Variants in WDFY1 observed in about 807,000 individuals in gnomAD.
WDFY1 encodes the protein WD repeat and FYVE domain-containing protein 1.
In WDFY1, 32 loss-of-function variants were observed where a neutral mutation model predicts 56.4. That is an observed-to-expected ratio of 0.57 (90% CI 0.43 to 0.76). The LOEUF (loss-of-function observed/expected upper bound fraction) is 0.76. Ranked by LOEUF, WDFY1 falls within the 30% of genes least tolerant of loss-of-function variation. WDFY1 has a pLI of 0.00. For missense variants in WDFY1, 480 were observed against 545.7 expected, an observed-to-expected ratio of 0.88 and a Z score of 1.20; for synonymous variants, 192 against 197.3, an observed-to-expected ratio of 0.97 and a Z score of 0.23.
intron 7 of WDFY1, 112 bp from the exon 8 acceptor site, chr2:223,894,451 C>T (rs1460834624): frequency 2.0e-6 from 2 of 995,298 alleles, no homozygotes; most frequent in Non-Finnish European, 3.1e-6. Context: ...GGTATTTTAC[C>T]ACTGACTATT....
At chr2:223,894,176 A>G in intron 8 of WDFY1, 58 bp downstream of exon 8, 3 of 1,584,424 alleles carry the variant, frequency 1.9e-6, no homozygotes, top group South Asian at 2.2e-5. Flanking sequence ...AAAGCCAAGA[A>G]GAAGCCAGGT....
intron 1 of WDFY1, among the ~76,000 whole-genome samples, chr2:223,938,051 A>G (rs539346010): frequency 6.6e-6 from 1 of 152,332 alleles, no homozygotes; most frequent in South Asian, 2.1e-4. Flanking sequence ...TTAAAAAAGG[A>G]AAATGCTAAA....
chr2:223,916,836 C>T (rs1200768751), intron 2 of WDFY1, among the ~76,000 whole-genome samples: 9 of 138,566 alleles, frequency 6.5e-5, no homozygotes, highest in African/African-American at 8.1e-5. Flanking sequence ...TTTTTTGATA[C>T]GGAGTTTCGC....
rs1323406970 is a variant in WDFY1, at chr2:223,894,234, C to T, written c.831G>A (p.Glu277=). ...AVWNMDVSRE[E]APQWLESDSC... is the part of the protein sequence containing the mutation. ...GCCTGGACTTGCCCTTGTCTCTTAC[C>T]TCTTCTCTGCTAACATCCATGTTCC... The change falls in exon 8 of 12, where the codon GAG becomes GAA. Residue 277 remains glutamate, a splice_region_variant and synonymous_variant. Transcript: ENST00000233055. The T allele has an allele frequency of 3.1e-6, 5 of 1,613,998 alleles. No individual in the cohort carries two copies. Among genetic ancestry groups the T allele is most frequent in the Non-Finnish European group, 1.7e-6 (2 of 1,179,966 alleles).
Position 223,884,713 on chromosome 2 carries a change from AT to A in WDFY1, c.867del (p.Lys289AsnfsTer10). On this transcript the variant is annotated frameshift_variant, in exon 9 of 12. Transcript: ENST00000233055. LOFTEE classifies it high-confidence loss of function. ...ATGTTCCAGAAAAATGGCTGCTCAC[AT>A]TTCTGACAAGAATCACTTTCCAACC... is the stretch of plus-strand genomic sequence containing the variant. ...PQWLESDSCQ[K>X]CEQPFFWNIK... The A allele has an allele frequency of 6.2e-7, 1 of 1,614,132 alleles. No individual in the cohort carries two copies.
At chr2:223,930,238 T>C (rs1694052537) in intron 1 of WDFY1, among the ~76,000 whole-genome samples, 1 of 152,214 alleles carries the variant, frequency 6.6e-6, no homozygotes, top group Non-Finnish European at 1.5e-5. Flanking sequence ...TAAAAAACAA[T>C]GTGCTCAATT....
intron 9 of WDFY1, 102 bp downstream of exon 9, chr2:223,884,546 G>A: frequency 9.6e-7 from 1 of 1,043,282 alleles, no homozygotes; most frequent in South Asian, 1.3e-5. Flanking sequence ...GGAATTAATA[G>A]CATTTGCAAA....
chr2:223,892,446 G>T (rs111719467), intron 8 of WDFY1, among the ~76,000 whole-genome samples: 1 of 151,992 alleles, frequency 6.6e-6, no homozygotes, highest in Admixed American at 6.6e-5. Flanking sequence ...CAATCAGTAC[G>T]TCTCTGTATT....
chr2:223,933,729 G>A (rs1217014386), intron 1 of WDFY1, among the ~76,000 whole-genome samples: 1 of 151,948 alleles, frequency 6.6e-6, no homozygotes, highest in African/African-American at 2.4e-5. Flanking sequence ...GACTGAGGCT[G>A]GAGGATCACT....
chr2:223,878,954 C>CG (rs1250814204), intron 11 of WDFY1, among the ~76,000 whole-genome samples: 1 of 152,196 alleles, frequency 6.6e-6, no homozygotes, highest in Non-Finnish European at 1.5e-5. Flanking sequence ...GAGACCGAGG[C>CG]GGGTGTAGCA....
chr2:223,940,047 C>T (rs1407589029), intron 1 of WDFY1, among the ~76,000 whole-genome samples: 1 of 152,162 alleles, frequency 6.6e-6, no homozygotes, highest in African/African-American at 2.4e-5. Flanking sequence ...ATGTAAAAAG[C>T]TACTGGCTCA....
intron 1 of WDFY1, among the ~76,000 whole-genome samples, chr2:223,920,326 G>A (rs1693867831): frequency 6.6e-6 from 1 of 152,248 alleles, no homozygotes; most frequent in South Asian, 2.1e-4. Context: ...GGCCCACGCG[G>A]CCAGGCCCAT....
In WDFY1 at chr2:223,918,726, G is replaced by C. The variant is rs552389752; in HGVS notation, c.138-716C>G. ...TTTTCTTGGTAAAAACAAATTATGT[G>C]CACTTGGTGGTTGACCGTCTGGGCC... On this transcript the variant is annotated intron_variant, in intron 1 of 11. Coordinates refer to ENST00000233055, the MANE Select transcript of WDFY1 (RefSeq NM_020830.5). Among the ~76,000 whole-genome samples the C allele has an allele frequency of 9.2e-5, 14 of 151,922 alleles. 1 individual carries two copies. The South Asian group carries it at 2.9e-3, about 31-fold the overall frequency.
chr2:223,912,465 G>A (rs998328996), intron 2 of WDFY1, 139 bp from the exon 3 acceptor site: 11 of 554,958 alleles, frequency 2.0e-5, no homozygotes, highest in South Asian at 1.0e-4. Context: ...TACAAATTAC[G>A]TAAATTGAAA....
At chr2:223,886,863 G>T (rs1574758567) in intron 8 of WDFY1, among the ~76,000 whole-genome samples, 2 of 151,674 alleles carry the variant, frequency 1.3e-5, no homozygotes, top group South Asian at 4.2e-4. Flanking sequence ...GGTGCCCCTA[G>T]TTCTTCATTT....
chr2:223,880,606 C>CA (rs10586635), intron 10 of WDFY1, among the ~76,000 whole-genome samples: 136 of 125,386 alleles, frequency 1.1e-3, no homozygotes, highest in Non-Finnish European at 1.5e-3. Flanking sequence ...GACTCAGTCT[C>CA]AAAAAAAAAA....
intron 1 of WDFY1, among the ~76,000 whole-genome samples, chr2:223,931,823 C>A (rs1481906681): frequency 6.6e-6 from 1 of 151,846 alleles, no homozygotes; most frequent in Non-Finnish European, 1.5e-5. Flanking sequence ...GTAGCTGGGA[C>A]TACAGGCATG....
chr2:223,928,311 A>G (rs1694018965), intron 1 of WDFY1, among the ~76,000 whole-genome samples: 1 of 152,198 alleles, frequency 6.6e-6, no homozygotes, highest in Admixed American at 6.5e-5. Flanking sequence ...GCTTGTATCA[A>G]ATCATATAAC....
At chr2:223,913,488 C>T (rs1275644565) in intron 2 of WDFY1, among the ~76,000 whole-genome samples, 1 of 152,068 alleles carries the variant, frequency 6.6e-6, no homozygotes, top group Non-Finnish European at 1.5e-5. Context: ...AGCCTGTATA[C>T]CCTTATCTGA....
Sources: gnomAD v4.1 joint callset for allele counts (sites outside exome capture counted in the v4.1 genomes callset) on GRCh38, gnomAD v4.1.1 for gene constraint, MANE v1.5 for transcripts, NCBI Gene and HGNC (gene_info 2026-07-23, HGNC 2026-07-21) for gene names.